Variants in RNF128 observed in about 807,000 individuals in gnomAD.
RNF128 encodes the protein E3 ubiquitin-protein ligase RNF128.
Under a neutral mutation model 26.2 loss-of-function variants are expected in RNF128, and 13 were observed. That is an observed-to-expected ratio of 0.50 (90% CI 0.32 to 0.79). The LOEUF (loss-of-function observed/expected upper bound fraction) is 0.79. Ranked by LOEUF, RNF128 falls within the 30% of genes least tolerant of loss-of-function variation. RNF128 has a pLI of 0.03. For synonymous variants in RNF128, 149 were observed against 142.5 expected (o/e 1.05, Z -0.32); for missense variants, 315 against 349.7 (o/e 0.90, Z 0.79).
chrX:106,744,893 C>CG (rs753298412), intron 1 of RNF128, among the ~76,000 whole-genome samples: 4 of 111,685 alleles, frequency 3.6e-5, no homozygotes, highest in African/African-American at 6.5e-5. Flanking sequence ...GGTCCTGAGA[C>CG]CAAAAAATTG....
rs1929416461 is a variant in RNF128, at chrX:106,727,173, C to T, written c.260C>T (p.Pro87Leu). Reference sequence around the variant, plus strand: ...CCTGTGGCTGGGGTCCTGGTACCGCCCGACGGGCCCGGGGCGCTTAACGCC... The same window carrying T: ...CCTGTGGCTGGGGTCCTGGTACCGCTCGACGGGCCCGGGGCGCTTAACGCC... Reference protein sequence around the residue: ...LEPVAGVLVPPDGPGALNACN... With the variant: ...LEPVAGVLVPLDGPGALNACN... Residue 87 changes from proline (P) to leucine (L), a missense_variant, in exon 1 of 7, where the codon CCC becomes CTC. By Grantham distance (98) the Pro-to-Leu change is moderately conservative. Transcript: ENST00000255499. The T allele has an allele frequency of 8.3e-7, 1 of 1,209,288 alleles. No homozygotes were observed. Among genetic ancestry groups the T allele is most frequent in the Non-Finnish European group, 1.1e-6 (1 of 894,884 alleles).
At chrX:106,738,772 G>T (rs953406899) in intron 1 of RNF128, among the ~76,000 whole-genome samples, 1 of 111,068 alleles carries the variant, frequency 9.0e-6, no homozygotes, top group African/African-American at 3.3e-5. Flanking sequence ...CCATAGAATG[G>T]GTAATATAAT....
At chrX:106,713,045 TAA>T (rs1026878480) in intron 1 of RNF128, among the ~76,000 whole-genome samples, 13 of 108,215 alleles carry the variant, frequency 1.2e-4, no homozygotes, top group Non-Finnish European at 2.3e-4. Flanking sequence ...TTCGCCCATC[TAA>T]TTTTTGTATT....
At chrX:106,738,077 T>G (rs183462918) in intron 1 of RNF128, among the ~76,000 whole-genome samples, 61 of 112,057 alleles carry the variant, frequency 5.4e-4, no homozygotes, top group Non-Finnish European at 9.6e-4. Flanking sequence ...CTGTTTTTAT[T>G]TCAACCTATT....
chrX:106,764,240 C>A (rs1180264813), intron 1 of RNF128, among the ~76,000 whole-genome samples: 1 of 108,590 alleles, frequency 9.2e-6, no homozygotes. Flanking sequence ...GCTGGAATTA[C>A]AGGCGTGAGC....
At chrX:106,738,498 A>G (rs1421496838) in intron 1 of RNF128, among the ~76,000 whole-genome samples, 1 of 112,054 alleles carries the variant, frequency 8.9e-6, no homozygotes, top group African/African-American at 3.2e-5. Context: ...AGTTCCTGAA[A>G]AATGCAGGAA....
intron 1 of RNF128, among the ~76,000 whole-genome samples, chrX:106,710,771 A>C (rs967679829): frequency 1.1e-5 from 1 of 94,837 alleles, no homozygotes; most frequent in Non-Finnish European, 2.2e-5. Flanking sequence ...AAAAAAAAAA[A>C]GCTGATCTGG....
At chrX:106,795,349 A>C (rs1285175250) in intron 6 of RNF128, among the ~76,000 whole-genome samples, 1 of 111,731 alleles carries the variant, frequency 9.0e-6, no homozygotes, top group Non-Finnish European at 1.9e-5. Context: ...GGTAGAAATA[A>C]GCACATGTAC....
chrX:106,697,724 T>A (rs1417062883), intron 1 of RNF128, among the ~76,000 whole-genome samples: 4 of 111,058 alleles, frequency 3.6e-5, no homozygotes, highest in Non-Finnish European at 7.5e-5. Context: ...ACTAAGAGTG[T>A]TATTTTTCTG....
At chrX:106,736,939 C>T (rs368390485) in intron 1 of RNF128, among the ~76,000 whole-genome samples, 3 of 111,453 alleles carry the variant, frequency 2.7e-5, no homozygotes, top group African/African-American at 9.8e-5. Context: ...ACTAGTGTTT[C>T]TATTGTGGCT....
chrX:106,719,614 A>G (rs1286553904), intron 1 of RNF128, among the ~76,000 whole-genome samples: 2 of 111,430 alleles, frequency 1.8e-5, no homozygotes, highest in Non-Finnish European at 3.8e-5. Flanking sequence ...CTCTTCTCTC[A>G]TTTGTCCTAG....
At chrX:106,704,587 C>T (rs1254837971) in intron 1 of RNF128, among the ~76,000 whole-genome samples, 1 of 110,841 alleles carries the variant, frequency 9.0e-6, no homozygotes, top group South Asian at 3.8e-4. Flanking sequence ...CATGATAAGA[C>T]GGGTTTTGGT....
intron 4 of RNF128, among the ~76,000 whole-genome samples, chrX:106,789,933 T>A (rs1246215315): frequency 1.8e-5 from 2 of 110,499 alleles, no homozygotes. Context: ...GGTAGTGTCC[T>A]AGCCATTTTC....
At position 106,694,025 on chromosome X, in the gene RNF128, G is replaced by T. The variant is rs781540939; in HGVS notation, c.23G>T (p.Ser8Ile). Residue 8 changes from serine (S) to isoleucine (I), a missense_variant, in exon 1 of 7, where the codon AGT becomes ATT. Transcript: ENST00000324342. ...GCAATGAACCAGGAGAATAGGTCCAGTTTTTTTTGGCTCCTTGTAATTTTT... is the reference window on the plus strand; with the variant it reads ...GCAATGAACCAGGAGAATAGGTCCATTTTTTTTTGGCTCCTTGTAATTTTT... 36 of 1,194,078 alleles carry T rather than the reference G, an allele frequency of 3.0e-5. 1 individual carries two copies. In the South Asian group the frequency reaches 6.0e-4, roughly 20 times the overall value.
At chrX:106,766,080 A>T (rs186928404) in intron 1 of RNF128, among the ~76,000 whole-genome samples, 5 of 111,574 alleles carry the variant, frequency 4.5e-5, no homozygotes, top group Admixed American at 1.9e-4. Context: ...ATTCCATGGT[A>T]TATATGTGCC....
chrX:106,701,921 A>G (rs1192628552), intron 1 of RNF128, among the ~76,000 whole-genome samples: 1 of 111,694 alleles, frequency 9.0e-6, no homozygotes, highest in Non-Finnish European at 1.9e-5. Context: ...TATTTAAAAA[A>G]TTGACATGAT....
chrX:106,755,303 C>T (rs1174609080), intron 1 of RNF128, among the ~76,000 whole-genome samples: 1 of 111,633 alleles, frequency 9.0e-6, no homozygotes, highest in Non-Finnish European at 1.9e-5. Context: ...AACCCAATGA[C>T]TTCACTGCTG....
rs1403411776 is a variant in RNF128, at chrX:106,796,655, C to A, written c.*942C>A. ...TACATTAGATAAACTAAAATTCTGT[C>A]CGTGTAACTATAAATTTTGTGAATG... On this transcript the variant is annotated 3_prime_UTR_variant, in exon 7 of 7. Transcript: ENST00000255499. 8.9e-6 allele frequency: 1 copy of A among 111,788 alleles called. No individual in the cohort carries two copies. Among genetic ancestry groups the A allele is most frequent in the Non-Finnish European group, 1.9e-5 (1 of 53,035 alleles). 9.2% of individuals were successfully genotyped at this position (111,788 alleles called of 1,213,427 possible).
chrX:106,786,693 T>G (rs1056301183), intron 3 of RNF128, among the ~76,000 whole-genome samples: 4 of 111,053 alleles, frequency 3.6e-5, no homozygotes, highest in African/African-American at 9.8e-5. Flanking sequence ...AGAAAATATT[T>G]GCAAATCATA....
Sources: gnomAD v4.1 joint callset for allele counts (sites outside exome capture counted in the v4.1 genomes callset) on GRCh38, gnomAD v4.1.1 for gene constraint, MANE v1.5 for transcripts, NCBI Gene and HGNC (gene_info 2026-07-23, HGNC 2026-07-21) for gene names.